VCL: variants seen among roughly 807,000 people sequenced by gnomAD.
The protein encoded by VCL is vinculin.
Under a neutral mutation model 125.7 loss-of-function variants are expected in VCL, and 47 were observed. The ratio of observed to expected loss-of-function variants is 0.37; its 90% CI spans 0.30 to 0.48. The LOEUF (loss-of-function observed/expected upper bound fraction) is 0.48. VCL is among the 20% of genes least tolerant of loss of function. The probability of loss-of-function intolerance (pLI) is 0.99; values close to 1 mark genes in which losing one functional copy is unlikely to be tolerated. For synonymous variants in VCL, 458 were observed against 514.6 expected, an observed-to-expected ratio of 0.89 and a Z score of 1.49; for missense variants, 1,069 against 1,455.5, an observed-to-expected ratio of 0.73 and a Z score of 4.32.
intron 10 of VCL, among the ~76,000 whole-genome samples, chr10:74,091,994 C>T (rs373745613): frequency 3.3e-5 from 5 of 151,834 alleles, no homozygotes; most frequent in East Asian, 3.9e-4. Flanking sequence ...CTGCATCCTC[C>T]GCTTGCCAAG....
Position 74,094,375 on chromosome 10 carries a change from C to T in VCL, c.1457C>T (p.Pro486Leu), listed in dbSNP as rs1251509217. 19 of 1,614,132 alleles carry T rather than the reference C, an allele frequency of 1.2e-5. No individual in the cohort carries two copies. Among genetic ancestry groups the T allele is most frequent in the Non-Finnish European group, 1.6e-5 (19 of 1,180,008 alleles). Residue 486 changes from proline (P) to leucine (L), a missense_variant, in exon 11 of 22, where the codon CCG (proline) becomes CTG (leucine). This residue lies in a region of VCL where 760 missense variants were observed against 928.9 expected (regional missense o/e 0.82). Transcript: ENST00000211998. ...KTNRAVANSRPAKAAVHLEGK... is the reference protein window; with the variant it reads ...KTNRAVANSRLAKAAVHLEGK... ...AACCGGGCTGTGGCCAACAGCAGACCGGCCAAAGCAGCTGTACACCTTGAG... is the reference window on the plus strand; with the variant it reads ...AACCGGGCTGTGGCCAACAGCAGACTGGCCAAAGCAGCTGTACACCTTGAG...
In VCL at chr10:74,068,208, A is replaced by C. The variant is rs531754329; in HGVS notation, c.240-2462A>C. ...TCCTACAGACATACAGGGTAAAATT[A>C]CATGTATTCAAGGTGATTCATCACA... is the stretch of plus-strand genomic sequence containing the variant. On this transcript the variant is annotated intron_variant, in intron 2 of 21. Transcript: ENST00000211998. Among the ~76,000 whole-genome samples, 283 of 152,384 alleles carry C rather than the reference A, an allele frequency of 1.9e-3. 3 individuals are homozygous for C. The highest frequency in any genetic ancestry group is 6.7e-3 in the African/African-American group (278 of 41,594).
intron 17 of VCL, among the ~76,000 whole-genome samples, chr10:74,107,920 T>C (rs746978296): frequency 6.6e-6 from 1 of 152,206 alleles, no homozygotes; most frequent in Non-Finnish European, 1.5e-5. Flanking sequence ...AGCTAGGCAG[T>C]ATGTTGCAGA....
intron 6 of VCL, among the ~76,000 whole-genome samples, chr10:74,081,311 G>C (rs1046594909): frequency 6.6e-6 from 1 of 152,132 alleles, no homozygotes; most frequent in Non-Finnish European, 1.5e-5. Context: ...TGTGGACCTT[G>C]AGCCTAACTA....
intron 1 of VCL, among the ~76,000 whole-genome samples, chr10:74,035,818 A>G (rs1397536841): frequency 6.6e-6 from 1 of 152,242 alleles, no homozygotes; most frequent in Non-Finnish European, 1.5e-5. Flanking sequence ...GAAAATATTC[A>G]GAAAACAAGG....
At chr10:74,000,460 G>C (rs1024691991) in intron 1 of VCL, among the ~76,000 whole-genome samples, 1 of 152,036 alleles carries the variant, frequency 6.6e-6, no homozygotes, top group Non-Finnish European at 1.5e-5. Context: ...CTGTCACGAG[G>C]CTGGAGTGCA....
intron 2 of VCL, among the ~76,000 whole-genome samples, chr10:74,064,935 C>T (rs186880928): frequency 7.2e-5 from 11 of 152,118 alleles, no homozygotes; most frequent in South Asian, 2.1e-4. Context: ...GTCCTTTATA[C>T]GTAGAAGTAT....
chr10:74,024,193 C>G (rs150752962), intron 1 of VCL, among the ~76,000 whole-genome samples: 249 of 152,196 alleles, frequency 1.6e-3, no homozygotes, highest in Middle Eastern at 3.4e-3. Context: ...TTGCTTGTAG[C>G]CTTAATTTAA....
intron 2 of VCL, 121 bp from the exon 3 acceptor site, chr10:74,070,549 T>C: frequency 7.1e-7 from 1 of 1,415,176 alleles, no homozygotes; most frequent in Non-Finnish European, 9.9e-7. Flanking sequence ...CAATTGGTCT[T>C]GGCTATTTTT....
At chr10:74,046,302 C>T (rs1352837690) in intron 2 of VCL, among the ~76,000 whole-genome samples, 6 of 152,136 alleles carry the variant, frequency 3.9e-5, no homozygotes, top group Non-Finnish European at 8.8e-5. Context: ...GGTTGAAGTG[C>T]AGTGGTGCGA....
chr10:74,038,005 T>C (rs866145083), intron 1 of VCL, among the ~76,000 whole-genome samples: 3,197 of 147,716 alleles, frequency 0.022, 49 homozygotes, highest in East Asian at 0.059. Context: ...TTTTCTTTTT[T>C]TTTTTTTTTT....
Position 74,072,765 on chromosome 10 carries a change from C to G in VCL, c.535C>G (p.Gln179Glu), listed in dbSNP as rs1054125202. The change falls in exon 5 of 22, where the codon CAG (glutamine) becomes GAG (glutamate). Residue 179 changes from glutamine to glutamate, a missense_variant. Gln to Glu is a conservative substitution (Grantham distance 29, BLOSUM62 2). Coordinates refer to ENST00000211998, the MANE Select transcript of VCL (RefSeq NM_014000.3). ...GATGGCCAAGATGATTGACGAGAGA[C>G]AGCAGGAGCTCACTCACCAGGAGCA... ...TKMAKMIDER[Q>E]QELTHQEHRV... 1.2e-6 allele frequency: 2 copies of G among 1,614,046 alleles called. No homozygotes were observed. Among genetic ancestry groups the G allele is most frequent in the Admixed American group, 3.3e-5 (2 of 60,016 alleles).
intron 1 of VCL, among the ~76,000 whole-genome samples, chr10:74,030,128 G>C (rs1210891591): frequency 6.6e-6 from 1 of 152,190 alleles, no homozygotes; most frequent in Non-Finnish European, 1.5e-5. Flanking sequence ...TGCCTTAGGA[G>C]CCAAATAGGC....
intron 15 of VCL, among the ~76,000 whole-genome samples, chr10:74,104,275 G>A (rs905694979): frequency 1.3e-5 from 2 of 152,214 alleles, no homozygotes; most frequent in African/African-American, 4.8e-5. Flanking sequence ...GATACAGTAA[G>A]TGTCCCTGTC....
At position 74,071,133 on chromosome 10, in the gene VCL, G is replaced by C; in HGVS notation, c.499+50G>C. The C allele has an allele frequency of 6.3e-7, 1 of 1,578,000 alleles. No homozygotes were observed. The highest frequency in any genetic ancestry group is 8.7e-7 in the Non-Finnish European group (1 of 1,147,912). ...CATTTTTTAAGGATTGTCCATGTTG[G>C]AGCCAAAGGAAAGGGTACCCTCTTC... On this transcript the variant is annotated intron_variant, in intron 4 of 21. Transcript: ENST00000211998. The surrounding 1 kb of genome is among the most constrained non-coding windows in gnomAD (Gnocchi z 4.1).
intron 1 of VCL, among the ~76,000 whole-genome samples, chr10:74,024,968 C>T (rs1840745046): frequency 6.6e-6 from 1 of 152,180 alleles, no homozygotes; most frequent in Admixed American, 6.5e-5. Flanking sequence ...CAGAATCACA[C>T]AATATAACAG....
intron 1 of VCL, among the ~76,000 whole-genome samples, chr10:74,010,232 T>C (rs1840408033): frequency 6.6e-6 from 1 of 152,178 alleles, no homozygotes; most frequent in Non-Finnish European, 1.5e-5. Context: ...GCCTACCTTT[T>C]TCTTCTTAAC....
chr10:74,024,611 C>CA (rs34086598), intron 1 of VCL, among the ~76,000 whole-genome samples: 7,312 of 141,950 alleles, frequency 0.052, 222 homozygotes, highest in Middle Eastern at 0.13. Context: ...CACTCCATCT[C>CA]AAAAAAAAAA....
chr10:74,114,102 C>A, intron 19 of VCL, 82 bp from the exon 20 acceptor site: 1 of 1,557,718 alleles, frequency 6.4e-7, no homozygotes, highest in South Asian at 1.1e-5. Flanking sequence ...CAAGCTCCCT[C>A]CTCTTCTCTG....
Sources: gnomAD v4.1 joint callset for allele counts (sites outside exome capture counted in the v4.1 genomes callset) on GRCh38, gnomAD v4.1.1 for gene constraint, gnomAD v4.1.1 regional missense constraint, Gnocchi (gnomAD v3.1) non-coding constraint, MANE v1.5 for transcripts, NCBI Gene and HGNC (gene_info 2026-07-23, HGNC 2026-07-21) for gene names.